DOCK9: variants seen among roughly 807,000 people sequenced by gnomAD.
DOCK9 encodes the protein dedicator of cytokinesis protein 9.
A neutral mutation model predicts 263.3 loss-of-function variants in DOCK9; 89 were observed. The ratio of observed to expected loss-of-function variants is 0.34; its 90% CI spans 0.28 to 0.40. DOCK9 has a LOEUF of 0.40. Among genes scored for constraint, DOCK9 ranks in the 10% least tolerant of loss-of-function variants. The probability of loss-of-function intolerance (pLI) is 1.00; values close to 1 mark genes in which losing one functional copy is unlikely to be tolerated. For missense variants in DOCK9, 2,140 were observed against 2,603.4 expected (o/e 0.82, Z 3.87); for synonymous variants, 976 against 973.1 (o/e 1.00, Z -0.06).
intron 1 of DOCK9, among the ~76,000 whole-genome samples, chr13:98,964,043 TC>T (rs1269794163): frequency 1.3e-5 from 2 of 152,162 alleles, no homozygotes; most frequent in African/African-American, 4.8e-5. Context: ...CAGTATGAGT[TC>T]CCTCTCTCCA....
chr13:99,019,470 G>T (rs1231704940), intron 1 of DOCK9, among the ~76,000 whole-genome samples: 1 of 152,004 alleles, frequency 6.6e-6, no homozygotes, highest in Admixed American at 6.5e-5. Flanking sequence ...CCACATCTGG[G>T]CAGGCAGAGA....
At chr13:98,919,672 G>A (rs1243684524) in intron 7 of DOCK9, among the ~76,000 whole-genome samples, 1 of 152,158 alleles carries the variant, frequency 6.6e-6, no homozygotes, top group Non-Finnish European at 1.5e-5. Flanking sequence ...TTCTGTGTGA[G>A]GGGAACCCTG....
chr13:98,898,645 G>A (rs1450962989), intron 13 of DOCK9, among the ~76,000 whole-genome samples: 1 of 152,098 alleles, frequency 6.6e-6, no homozygotes, highest in Non-Finnish European at 1.5e-5. Flanking sequence ...CACATTATTA[G>A]GATTGAAATG....
At position 99,032,547 on chromosome 13, in the gene DOCK9, G is replaced by T. The variant is rs1012400501; in HGVS notation, c.129+53676C>A. ...ATACGCACCCCTAAAACCCCTCTTT[G>T]GGAAAGATAAGGCTGAGGCTAGGTC... On this transcript the variant is annotated intron_variant, in intron 1 of 32. Coordinates refer to the DOCK9 transcript ENST00000427887. 2.5e-4 allele frequency among the ~76,000 whole-genome samples: 38 copies of T among 151,410 alleles called. 1 individual carries two copies. The highest frequency in any genetic ancestry group is 8.7e-4 in the African/African-American group (36 of 41,278).
chr13:99,038,288 C>CCGCTTT (rs1888110933), intron 1 of DOCK9, among the ~76,000 whole-genome samples: 4 of 86,266 alleles, frequency 4.6e-5, no homozygotes, highest in African/African-American at 1.4e-4. Context: ...TTATGCCCCC[C>CCGCTTT]TTTTTTTTTT....
At chr13:98,948,158 G>A (rs998725393) in intron 2 of DOCK9, among the ~76,000 whole-genome samples, 2 of 152,138 alleles carry the variant, frequency 1.3e-5, no homozygotes, top group African/African-American at 4.8e-5. Flanking sequence ...ATCATTATCA[G>A]TCTCATGTAA....
chr13:98,902,337 G>A lies in DOCK9; in HGVS notation c.1331C>T (p.Ser444Phe), dbSNP rs1219856850. 3.1e-6 allele frequency: 5 copies of A among 1,613,914 alleles called. No individual in the cohort carries two copies. Among genetic ancestry groups the A allele is most frequent in the Non-Finnish European group, 4.2e-6 (5 of 1,179,902 alleles). ...TTCATGAAGGATGCCCTTGAGGACA[G>A]ATGGGCTCTGCCCACTGCCATTCAT... ...ALMNGSGQSPSVLKGILHEAA... is the reference protein window; with the variant it reads ...ALMNGSGQSPFVLKGILHEAA... The change falls in exon 12 of 53, where the codon TCT becomes TTT. Residue 444 changes from serine (S) to phenylalanine (F), a missense_variant. Ser to Phe is a radical substitution (Grantham distance 155). Around this residue, in one of 2 missense-constraint regions of DOCK9, gnomAD observed 1,521 missense variants for 1,741.7 expected, o/e 0.87. Transcript: ENST00000682017.
At chr13:98,946,113 G>A (rs6491472) in intron 2 of DOCK9, among the ~76,000 whole-genome samples, 63,427 of 151,846 alleles carry the variant, frequency 0.42, 13,602 homozygotes, top group East Asian at 0.56. Context: ...GCTGGGAGAA[G>A]GCCTGGGAGT....
intron 1 of DOCK9, among the ~76,000 whole-genome samples, chr13:99,004,259 T>C (rs1239758907): frequency 1.3e-5 from 2 of 152,100 alleles, no homozygotes; most frequent in South Asian, 2.1e-4. Flanking sequence ...CACCCTGTAA[T>C]TGGCAAACAT....
intron 1 of DOCK9, among the ~76,000 whole-genome samples, chr13:98,996,739 G>A (rs1474359250): frequency 1.3e-5 from 2 of 152,174 alleles, no homozygotes; most frequent in African/African-American, 4.8e-5. Flanking sequence ...GTGTGGCCCA[G>A]GACAATTCTT....
intron 1 of DOCK9, among the ~76,000 whole-genome samples, chr13:99,079,044 T>G (rs2042021547): frequency 6.6e-6 from 1 of 152,232 alleles, no homozygotes. Context: ...AAAAATAATT[T>G]TATGACAGGT....
intron 1 of DOCK9, among the ~76,000 whole-genome samples, chr13:99,074,146 C>G (rs1441539238): frequency 6.6e-6 from 1 of 152,262 alleles, no homozygotes; most frequent in East Asian, 1.9e-4. Context: ...AGCTACAGCT[C>G]AACAGCTCAC....
At chr13:98,795,613 A>T (rs2139740437) in intron 52 of DOCK9, among the ~76,000 whole-genome samples, 1 of 152,286 alleles carries the variant, frequency 6.6e-6, no homozygotes, top group East Asian at 1.9e-4. Flanking sequence ...CAATGTCGGC[A>T]CCCACTGACC....
chr13:98,851,932 T>G (rs973048271), intron 35 of DOCK9, among the ~76,000 whole-genome samples: 1 of 152,128 alleles, frequency 6.6e-6, no homozygotes, highest in African/African-American at 2.4e-5. Context: ...ATCGATAACT[T>G]GAAGAAAATT....
chr13:98,960,122 G>A (rs752027449), intron 1 of DOCK9, among the ~76,000 whole-genome samples: 4 of 152,098 alleles, frequency 2.6e-5, no homozygotes, highest in African/African-American at 9.7e-5. Flanking sequence ...ACACAGCCGT[G>A]GTTTTAAAGC....
At chr13:98,899,395 C>CT (rs1297146197) in intron 13 of DOCK9, among the ~76,000 whole-genome samples, 1 of 152,154 alleles carries the variant, frequency 6.6e-6, no homozygotes, top group East Asian at 1.9e-4. Flanking sequence ...AAAATGGGGG[C>CT]TAGGCTATAC....
chr13:98,913,211 T>C (rs369818419), intron 9 of DOCK9, among the ~76,000 whole-genome samples: 2 of 152,326 alleles, frequency 1.3e-5, no homozygotes, highest in African/African-American at 4.8e-5. Flanking sequence ...TAATCCTATA[T>C]AGATAAACCA....
chr13:98,927,565 C>T (rs563761316), intron 3 of DOCK9, among the ~76,000 whole-genome samples: 4 of 152,202 alleles, frequency 2.6e-5, no homozygotes, highest in Non-Finnish European at 4.4e-5. Flanking sequence ...CTAAATAAAC[C>T]AGCATAAATT....
intron 1 of DOCK9, among the ~76,000 whole-genome samples, chr13:99,003,160 A>G (rs1056339693): frequency 2.0e-5 from 3 of 152,216 alleles, no homozygotes; most frequent in African/African-American, 7.2e-5. Context: ...TGCACATAAC[A>G]TATTTTGTTA....
Sources: allele counts gnomAD v4.1 joint callset (sites outside exome capture counted in the v4.1 genomes callset), GRCh38; gene constraint gnomAD v4.1.1; regional missense constraint gnomAD v4.1.1; transcripts MANE v1.5; gene names NCBI Gene and HGNC (gene_info 2026-07-23, HGNC 2026-07-21).